The following PLXDC1 variants were observed in gnomAD, a reference collection of about 807,000 sequenced individuals.
PLXDC1 encodes plexin domain containing 1, also known as plexin domain-containing protein 1.
A neutral mutation model predicts 61.3 loss-of-function variants in PLXDC1; 39 were observed. That is an observed-to-expected ratio of 0.64 (90% CI 0.49 to 0.83). The LOEUF (loss-of-function observed/expected upper bound fraction) is 0.83, where lower values mean the gene tolerates loss of function less well. PLXDC1 is among the 40% of genes least tolerant of loss of function. PLXDC1 has a pLI of 0.00. For synonymous variants in PLXDC1, 212 were observed against 254.5 expected (o/e 0.83, Z 1.59); for missense variants, 596 against 666.5 (o/e 0.89, Z 1.17).
At chr17:39,134,094 A>G (rs919575248) in intron 2 of PLXDC1, among the ~76,000 whole-genome samples, 4 of 151,880 alleles carry the variant, frequency 2.6e-5, no homozygotes, top group Admixed American at 6.5e-5. Context: ...CATCTCTACT[A>G]AAAATACAAA....
chr17:39,075,684 G>A (rs1432255201), intron 11 of PLXDC1, among the ~76,000 whole-genome samples: 1 of 152,190 alleles, frequency 6.6e-6, no homozygotes, highest in Non-Finnish European at 1.5e-5. Flanking sequence ...CACAAATGCT[G>A]ATGCTTTCTA....
intron 1 of PLXDC1, 150 bp from the exon 2 acceptor site, chr17:39,139,982 A>C: frequency 1.4e-6 from 1 of 717,134 alleles, no homozygotes; most frequent in East Asian, 2.8e-5. Context: ...GAGACACCCA[A>C]TGTGTACTGA....
chr17:39,107,257 G>A (rs900472706), intron 6 of PLXDC1, 150 bp downstream of exon 6: 2 of 573,324 alleles, frequency 3.5e-6, no homozygotes, highest in African/African-American at 1.9e-5. Flanking sequence ...CAGACTTACT[G>A]CTCCAAAAGG....
intron 6 of PLXDC1, among the ~76,000 whole-genome samples, 158 bp from the exon 7 acceptor site, chr17:39,106,111 C>CCT (rs1225826926): frequency 6.6e-6 from 1 of 151,868 alleles, no homozygotes; most frequent in Admixed American, 6.6e-5. Flanking sequence ...AATTCCAAGT[C>CCT]CTCTCCACAC....
intron 2 of PLXDC1, among the ~76,000 whole-genome samples, chr17:39,134,639 AG>A (rs34165062): frequency 0.14 from 18,912 of 130,458 alleles, 2,764 homozygotes; most frequent in African/African-American, 0.37. Flanking sequence ...AAAAAAAAAA[AG>A]AAAAAGAAAA....
At chr17:39,128,079 C>A (rs1446279509) in intron 2 of PLXDC1, among the ~76,000 whole-genome samples, 3 of 100,606 alleles carry the variant, frequency 3.0e-5, no homozygotes, top group South Asian at 7.1e-4. Context: ...CTCTCTCTCT[C>A]TCTCTCTCTC....
chr17:39,069,179 C>T (rs1014671905), intron 13 of PLXDC1, among the ~76,000 whole-genome samples: 1 of 152,150 alleles, frequency 6.6e-6, no homozygotes, highest in Non-Finnish European at 1.5e-5. Flanking sequence ...GGTCAGGGCT[C>T]ACTGCAGCCT....
At position 39,128,903 on chromosome 17, in the gene PLXDC1, G is replaced by A. The variant is rs542048293; in HGVS notation, c.255+10751C>T. ...CACGCGCCTGTAGTGCCAGCTACTC[G>A]GGAGGCTGAGGCAGGAGAATGGCTT... On this transcript the variant is annotated intron_variant, in intron 2 of 13. Transcript: ENST00000315392. 3.0e-4 allele frequency among the ~76,000 whole-genome samples: 46 copies of A among 152,194 alleles called. No individual in the cohort carries two copies. The South Asian group carries it at 5.6e-3, about 19-fold the overall frequency.
intron 2 of PLXDC1, among the ~76,000 whole-genome samples, chr17:39,126,033 C>T (rs1911301618): frequency 6.6e-6 from 1 of 152,120 alleles, no homozygotes; most frequent in Non-Finnish European, 1.5e-5. Context: ...GCAGGCGGAT[C>T]ATCTGAGGTC....
chr17:39,107,875 G>A lies in PLXDC1; in HGVS notation c.592+248C>T, dbSNP rs961827053. ...CTGGTGAATGTAAGTAACAATAAAG[G>A]CCCCTAACATTTATTTTACCTCGAC... is the stretch of plus-strand genomic sequence containing the variant. On this transcript the variant is annotated intron_variant, in intron 5 of 13. Coordinates refer to ENST00000315392, the MANE Select transcript of PLXDC1 (RefSeq NM_020405.5). 3.8e-5 allele frequency: 22 copies of A among 578,040 alleles called. No individual in the cohort carries two copies. The African/African-American group carries it at 4.1e-4, about 11-fold the overall frequency. 35.8% of individuals were successfully genotyped at this position (578,040 alleles called of 1,614,324 possible).
At chr17:39,108,530 G>T (rs1910677511) in intron 4 of PLXDC1, among the ~76,000 whole-genome samples, 1 of 152,160 alleles carries the variant, frequency 6.6e-6, no homozygotes, top group South Asian at 2.1e-4. Context: ...GGGGAAGTGG[G>T]ATGTGGAACT....
chr17:39,151,388 C>T lies in PLXDC1; in HGVS notation c.50G>A (p.Arg17Gln), dbSNP rs2045371845. ...LLVLVLREAA[R>Q]ALSPQPGAGH... ...TGCTCCGGGCTGGGGGCTCAGCGCCCGGGCAGCCTCCCTGAGCACCAGCAC... is the reference window on the plus strand; with the variant it reads ...TGCTCCGGGCTGGGGGCTCAGCGCCTGGGCAGCCTCCCTGAGCACCAGCAC... The change falls in exon 1 of 14, where the codon CGG becomes CAG. Residue 17 changes from arginine (R) to glutamine (Q), a missense_variant. Coordinates refer to ENST00000315392, the MANE Select transcript of PLXDC1 (RefSeq NM_020405.5). The surrounding 1 kb of genome is among the most constrained non-coding windows in gnomAD (Gnocchi z 5.2). The T allele has an allele frequency of 7.7e-6, 10 of 1,293,970 alleles. No individual in the cohort carries two copies. The highest frequency in any genetic ancestry group is 8.8e-6 in the Non-Finnish European group (9 of 1,019,566). The allele number at this position is 1,293,970 out of a possible 1,614,324, so 80.2% of individuals were successfully genotyped here. A position where few individuals can be genotyped will look rare whatever the true frequency, so the allele number is the denominator to read the frequency against.
At chr17:39,103,397 G>A (rs1169458704) in intron 7 of PLXDC1, among the ~76,000 whole-genome samples, 2 of 152,050 alleles carry the variant, frequency 1.3e-5, no homozygotes, top group African/African-American at 4.8e-5. Flanking sequence ...TTAAAAATTA[G>A]TTGGGCATGG....
chr17:39,108,407 A>G (rs1417354757), intron 4 of PLXDC1, 162 bp from the exon 5 acceptor site: 12 of 691,360 alleles, frequency 1.7e-5, no homozygotes, highest in African/African-American at 3.6e-5. Flanking sequence ...TCTGGTGTGT[A>G]TGGAGCCAAA....
At chr17:39,108,379 C>A in intron 4 of PLXDC1, 134 bp from the exon 5 acceptor site, 1 of 914,752 alleles carries the variant, frequency 1.1e-6, no homozygotes, top group South Asian at 1.5e-5. Context: ...CGCCCATCCC[C>A]ATCTGGCGGG....
intron 2 of PLXDC1, among the ~76,000 whole-genome samples, chr17:39,119,622 C>T (rs1288912083): frequency 6.6e-6 from 1 of 151,968 alleles, no homozygotes; most frequent in Non-Finnish European, 1.5e-5. Flanking sequence ...GGCGTGCTCC[C>T]ATAGTCCGAG....
At chr17:39,107,638 G>A (rs182208042) in intron 5 of PLXDC1, 113 bp from the exon 6 acceptor site, 201 of 805,750 alleles carry the variant, frequency 2.5e-4, no homozygotes, top group Non-Finnish European at 4.3e-4. Context: ...CGGGATGATG[G>A]GGAAGTTTGC....
intron 4 of PLXDC1, among the ~76,000 whole-genome samples, chr17:39,108,546 G>A (rs1036716251): frequency 6.6e-6 from 1 of 152,178 alleles, no homozygotes; most frequent in Non-Finnish European, 1.5e-5. Flanking sequence ...GAACTGAAGT[G>A]CAGGGATTAA....
intron 2 of PLXDC1, among the ~76,000 whole-genome samples, chr17:39,120,372 C>G (rs1455313126): frequency 6.6e-6 from 1 of 151,922 alleles, no homozygotes; most frequent in Non-Finnish European, 1.5e-5. Flanking sequence ...CCTCGGGCTC[C>G]CAAAGTGCTG....
Sources: gnomAD v4.1 joint callset for allele counts (sites outside exome capture counted in the v4.1 genomes callset) on GRCh38, gnomAD v4.1.1 for gene constraint, Gnocchi (gnomAD v3.1) non-coding constraint, MANE v1.5 for transcripts, NCBI Gene and HGNC (gene_info 2026-07-23, HGNC 2026-07-21) for gene names.